PRRC2B: variants seen among roughly 807,000 people sequenced by gnomAD.
PRRC2B encodes the protein proline rich coiled-coil 2B, also known as protein PRRC2B.
A neutral mutation model predicts 242.3 loss-of-function variants in PRRC2B; 68 were observed. The observed-to-expected ratio is 0.28, with a 90% CI of 0.23 to 0.34. PRRC2B has a LOEUF of 0.34. Among genes scored for constraint, PRRC2B ranks in the 10% least tolerant of loss-of-function variants. The pLI is 1.00. For missense variants in PRRC2B, 2,835 were observed against 2,954.8 expected (o/e 0.96, Z 0.94); for synonymous variants, 1,228 against 1,173.6 (o/e 1.05, Z -0.95).
Position 131,464,984 on chromosome 9 carries a change from A to G in PRRC2B, c.1626A>G (p.Ala542=), listed in dbSNP as rs1455948106. ...LDQKCKQARK[A]GEARKQAEKE... ...AGAAGTGTAAGCAGGCACGAAAGGC[A>G]GGTGAGGCCCGGAAGCAGGCAGAGA... The change falls in exon 12 of 32, where the codon GCA becomes GCG. Residue 542 remains alanine (A), a synonymous_variant. Coordinates refer to ENST00000683519, the MANE Select transcript of PRRC2B (RefSeq NM_013318.4). 2 of 1,613,896 alleles carry G rather than the reference A, an allele frequency of 1.2e-6. No individual in the cohort carries two copies. Among genetic ancestry groups the G allele is most frequent in the Non-Finnish European group, 8.5e-7 (1 of 1,179,848 alleles).
chr9:131,447,926 G>A (rs1396395272), intron 9 of PRRC2B, 122 bp downstream of exon 9: 9 of 1,079,186 alleles, frequency 8.3e-6, no homozygotes, highest in African/African-American at 4.7e-5. Context: ...ATGAAGAGCC[G>A]GACAGGGAAG....
At chr9:131,418,803 T>C (rs1244676904) in intron 1 of PRRC2B, among the ~76,000 whole-genome samples, 2 of 152,198 alleles carry the variant, frequency 1.3e-5, no homozygotes, top group Non-Finnish European at 2.9e-5. Flanking sequence ...GCAAATCTGT[T>C]TGGAATTAAT....
At chr9:131,389,302 T>C (rs1836868865), upstream of PRRC2B, among the ~76,000 whole-genome samples, 1 of 149,304 alleles carries the variant, frequency 6.7e-6, no homozygotes, top group African/African-American at 2.4e-5. Context: ...ATTACAGGCA[T>C]GCGCCACCAT....
intron 1 of PRRC2B, among the ~76,000 whole-genome samples, chr9:131,409,638 T>C (rs1837455100): frequency 6.6e-6 from 1 of 152,228 alleles, no homozygotes; most frequent in Non-Finnish European, 1.5e-5. Flanking sequence ...TGGTGGCTCT[T>C]TTCCTGGTGC....
intron 29 of PRRC2B, 88 bp from the exon 30 acceptor site, chr9:131,492,081 C>CG (rs1181442206): frequency 1.8e-5 from 18 of 1,027,780 alleles, no homozygotes; most frequent in Non-Finnish European, 2.7e-5. Flanking sequence ...TGGCCCTCAC[C>CG]ACCTCTGCCC....
chr9:131,441,308 T>C (rs1838564264), intron 5 of PRRC2B, among the ~76,000 whole-genome samples: 1 of 152,148 alleles, frequency 6.6e-6, no homozygotes, highest in Non-Finnish European at 1.5e-5. Context: ...GTGTCTACCT[T>C]TACATGGTGT....
rs370244327 is a variant in PRRC2B, at chr9:131,482,346, A to G, written c.4984-25A>G. The G allele has an allele frequency of 3.6e-5, 55 of 1,538,454 alleles. No homozygotes were observed. The African/African-American group carries it at 5.4e-4, about 15-fold the overall frequency. ...ATAATCGAGTTGGGAGTTTGAGGCT[A>G]TAACCCATTTTGTGCTCTGCACAGC... On this transcript the variant is annotated intron_variant, in intron 20 of 31. Coordinates refer to ENST00000683519, the MANE Select transcript of PRRC2B (RefSeq NM_013318.4). The surrounding 1 kb of genome is among the most constrained non-coding windows in gnomAD (Gnocchi z 5.2).
At chr9:131,412,596 A>T (rs1432527733) in intron 1 of PRRC2B, among the ~76,000 whole-genome samples, 1 of 152,196 alleles carries the variant, frequency 6.6e-6, no homozygotes, top group Non-Finnish European at 1.5e-5. Flanking sequence ...CACCAGGTAC[A>T]TGAGGGTCAT....
chr9:131,397,679 G>A (rs556651322), intron 1 of PRRC2B, among the ~76,000 whole-genome samples: 1 of 145,962 alleles, frequency 6.9e-6, no homozygotes, highest in South Asian at 2.1e-4. Context: ...GATCATTTCT[G>A]TGTTGGTTTC....
intron 23 of PRRC2B, 98 bp from the exon 24 acceptor site, chr9:131,484,588 A>G: frequency 3.2e-6 from 3 of 932,620 alleles, no homozygotes; most frequent in South Asian, 3.4e-5. Context: ...ATACATTTGG[A>G]CGAGCCTTGA....
At chr9:131,377,002 G>A (rs895875977) in intron 1 of PRRC2B, among the ~76,000 whole-genome samples, 2 of 152,120 alleles carry the variant, frequency 1.3e-5, no homozygotes, top group Non-Finnish European at 2.9e-5. Context: ...GCAAGACCCG[G>A]TCCGTTGAAA....
rs779346678 is a variant in PRRC2B, at chr9:131,484,720, G to A, written c.5495G>A (p.Arg1832Gln). 3 of 1,612,548 alleles carry A rather than the reference G, an allele frequency of 1.9e-6. No homozygotes were observed. Among genetic ancestry groups the A allele is most frequent in the South Asian group, 1.1e-5 (1 of 90,888 alleles). ...ACACAGAGTATCCCCATCCTGCGGCGGGACCATCACATCCAGAGGGCCATC... is the reference window on the plus strand; with the variant it reads ...ACACAGAGTATCCCCATCCTGCGGCAGGACCATCACATCCAGAGGGCCATC... ...GLTQSIPILR[R>Q]DHHIQRAIGL... Residue 1832 changes from arginine to glutamine, a missense_variant, in exon 24 of 32, where the codon CGG becomes CAG. Arg to Gln is a conservative substitution (Grantham distance 43). Around this residue, in one of 7 missense-constraint regions of PRRC2B, gnomAD observed 574 missense variants for 626.0 expected, o/e 0.92. Coordinates refer to ENST00000683519, the MANE Select transcript of PRRC2B (RefSeq NM_013318.4).
intron 1 of PRRC2B, among the ~76,000 whole-genome samples, chr9:131,377,102 A>G (rs1278401424): frequency 6.6e-6 from 1 of 151,070 alleles, no homozygotes; most frequent in Non-Finnish European, 1.5e-5. Context: ...AACCTTTTCA[A>G]TTATTACTGT....
chr9:131,473,984 C>T lies in PRRC2B; in HGVS notation c.2324+260C>T, dbSNP rs775741090. Among the ~76,000 whole-genome samples, 27 of 152,190 alleles carry T rather than the reference C, an allele frequency of 1.8e-4. No individual in the cohort carries two copies. The Middle Eastern group carries it at 0.014, about 77-fold the overall frequency. ...CCTCAAATCCTGGGCACAGGGCAGGCGGGTGGGGGCTTCACAAGGCAGGTG... is the reference window on the plus strand; with the variant it reads ...CCTCAAATCCTGGGCACAGGGCAGGTGGGTGGGGGCTTCACAAGGCAGGTG... On this transcript the variant is annotated intron_variant, in intron 15 of 31. Transcript: ENST00000683519.
intron 16 of PRRC2B, among the ~76,000 whole-genome samples, chr9:131,477,007 TG>T (rs1943723289): frequency 6.6e-6 from 1 of 152,144 alleles, no homozygotes; most frequent in African/African-American, 2.4e-5. Context: ...GGCCCCACGG[TG>T]GGGTTGCCAC....
intron 14 of PRRC2B, among the ~76,000 whole-genome samples, chr9:131,473,223 A>G (rs1370076286): frequency 2.0e-5 from 3 of 152,156 alleles, no homozygotes; most frequent in Non-Finnish European, 4.4e-5. Flanking sequence ...GAAAGGCTTC[A>G]TCCCCTGTCC....
intron 15 of PRRC2B, among the ~76,000 whole-genome samples, chr9:131,474,198 C>T (rs552293312): frequency 3.3e-5 from 5 of 152,192 alleles, no homozygotes; most frequent in African/African-American, 1.2e-4. Flanking sequence ...CGACAGTCTT[C>T]ACTCTCAAGG....
At chr9:131,495,484 T>C (rs1330393646) in intron 31 of PRRC2B, among the ~76,000 whole-genome samples, 1 of 152,170 alleles carries the variant, frequency 6.6e-6, no homozygotes, top group Non-Finnish European at 1.5e-5. Context: ...CGCGGAATTC[T>C]TTGTGGAGGA....
chr9:131,385,230 A>T (rs956531473), intron 1 of PRRC2B, among the ~76,000 whole-genome samples: 3 of 149,200 alleles, frequency 2.0e-5, no homozygotes, highest in Non-Finnish European at 4.5e-5. Flanking sequence ...AATCCCAGCT[A>T]CTTGGGAGGC....
Sources: gnomAD v4.1 joint callset for allele counts (sites outside exome capture counted in the v4.1 genomes callset) on GRCh38, gnomAD v4.1.1 for gene constraint, gnomAD v4.1.1 regional missense constraint, Gnocchi (gnomAD v3.1) non-coding constraint, MANE v1.5 for transcripts, NCBI Gene and HGNC (gene_info 2026-07-23, HGNC 2026-07-21) for gene names.